The following B4GALT6 variants were observed in gnomAD, a reference collection of about 807,000 sequenced individuals.
B4GALT6 encodes UDP-Gal:beta-GlcNAc beta-1,4-galactosyltransferase 6.
A neutral mutation model predicts 46.3 loss-of-function variants in B4GALT6; 14 were observed. The ratio of observed to expected loss-of-function variants is 0.30; its 90% CI spans 0.20 to 0.47. The LOEUF is 0.47. Among genes scored for constraint, B4GALT6 ranks in the 20% least tolerant of loss-of-function variants. The probability of loss-of-function intolerance (pLI) is 0.99; values close to 1 mark genes in which losing one functional copy is unlikely to be tolerated. For missense variants in B4GALT6, 386 were observed against 480.1 expected (o/e 0.80, Z 1.83); for synonymous variants, 168 against 162.0 (o/e 1.04, Z -0.28).
the B4GALT6 span, among the ~76,000 whole-genome samples, chr18:31,709,603 G>GTGTA: frequency 9.6e-3 from 1,299 of 135,230 alleles, 19 homozygotes; most frequent in African/African-American, 0.02. Context: ...GTGTGTGTGT[G>GTGTA]TATATATATA....
At chr18:31,637,815 C>T (rs934763536) in intron 5 of B4GALT6, among the ~76,000 whole-genome samples, 2 of 152,176 alleles carry the variant, frequency 1.3e-5, no homozygotes, top group Non-Finnish European at 2.9e-5. Context: ...ACCAAGGTAA[C>T]TGTACGGTGC....
At chr18:31,637,994 C>T (rs550528701) in intron 5 of B4GALT6, among the ~76,000 whole-genome samples, 5 of 152,128 alleles carry the variant, frequency 3.3e-5, no homozygotes, top group Admixed American at 2.6e-4. Context: ...CTAATGAAAA[C>T]ATAAAAAGTA....
chr18:31,717,841 C>A, the B4GALT6 span, among the ~76,000 whole-genome samples: 1 of 151,522 alleles, frequency 6.6e-6, no homozygotes, highest in Non-Finnish European at 1.5e-5. Flanking sequence ...GTAATCCCAG[C>A]TACTCGGGAG....
chr18:31,641,571 T>C (rs2073931355), intron 4 of B4GALT6, among the ~76,000 whole-genome samples: 1 of 152,260 alleles, frequency 6.6e-6, no homozygotes, highest in African/African-American at 2.4e-5. Flanking sequence ...TCATTTATTT[T>C]AAGGCTTAAT....
intron 3 of B4GALT6, among the ~76,000 whole-genome samples, chr18:31,652,050 G>A (rs776564087): frequency 1.6e-4 from 24 of 152,058 alleles, no homozygotes; most frequent in Non-Finnish European, 2.5e-4. Context: ...GATTACAGGC[G>A]TGAGCCACGG....
At chr18:31,663,029 G>A (rs1343393151) in intron 2 of B4GALT6, among the ~76,000 whole-genome samples, 3 of 152,126 alleles carry the variant, frequency 2.0e-5, no homozygotes, top group Non-Finnish European at 4.4e-5. Context: ...TCTAATGAAT[G>A]GATAAAAATA....
chr18:31,720,608 T>C, the B4GALT6 span, among the ~76,000 whole-genome samples: 2 of 152,154 alleles, frequency 1.3e-5, no homozygotes, highest in African/African-American at 4.8e-5. Context: ...AGAGGCCCCT[T>C]GAACGGGGGA....
chr18:31,656,003 T>C (rs1020775569), intron 3 of B4GALT6, among the ~76,000 whole-genome samples: 16 of 152,036 alleles, frequency 1.1e-4, no homozygotes, highest in Non-Finnish European at 2.2e-4. Flanking sequence ...CTTGCGGGAT[T>C]TGTTAGAAAT....
upstream of B4GALT6, chr18:31,686,453 G>A (rs566142453): frequency 4.6e-5 from 7 of 152,208 alleles, no homozygotes; most frequent in African/African-American, 1.4e-4. Context: ...AAGGCTGTGA[G>A]ATTAAATGGA....
At chr18:31,719,644 A>T in the B4GALT6 span, among the ~76,000 whole-genome samples, 2 of 152,198 alleles carry the variant, frequency 1.3e-5, no homozygotes, top group African/African-American at 4.8e-5. Flanking sequence ...TTTTATTATT[A>T]CTGAAATTAG....
At chr18:31,701,226 G>A in the B4GALT6 span, among the ~76,000 whole-genome samples, 1 of 152,118 alleles carries the variant, frequency 6.6e-6, no homozygotes, top group Non-Finnish European at 1.5e-5. Context: ...CTGTTCTTGT[G>A]GTGGTGAGTG....
intron 1 of B4GALT6, among the ~76,000 whole-genome samples, chr18:31,682,030 C>T (rs1010021934): frequency 2.6e-5 from 4 of 152,224 alleles, no homozygotes; most frequent in East Asian, 3.9e-4. Flanking sequence ...AAATCTGAAG[C>T]ACTTGTGCAA....
the B4GALT6 span, among the ~76,000 whole-genome samples, chr18:31,715,408 T>C: frequency 3.3e-5 from 5 of 152,086 alleles, no homozygotes; most frequent in South Asian, 1.0e-3. Flanking sequence ...TTAAACTTTT[T>C]TGTAGAGATG....
At chr18:31,662,443 T>G (rs1165604286) in intron 2 of B4GALT6, among the ~76,000 whole-genome samples, 1 of 152,220 alleles carries the variant, frequency 6.6e-6, no homozygotes, top group Non-Finnish European at 1.5e-5. Flanking sequence ...TTCTAGCACC[T>G]AATAATAGTA....
At chr18:31,631,622 A>G (rs1475573935) in intron 5 of B4GALT6, among the ~76,000 whole-genome samples, 1 of 152,192 alleles carries the variant, frequency 6.6e-6, no homozygotes, top group African/African-American at 2.4e-5. Context: ...CGAGAAAAAA[A>G]AAGTCATTAA....
At chr18:31,672,138 C>A (rs1479206960) in intron 1 of B4GALT6, among the ~76,000 whole-genome samples, 1 of 152,224 alleles carries the variant, frequency 6.6e-6, no homozygotes, top group African/African-American at 2.4e-5. Flanking sequence ...CTGCAGGGAT[C>A]TAGAACTGTT....
the B4GALT6 span, among the ~76,000 whole-genome samples, chr18:31,715,537 C>CTTTT: frequency 4.7e-3 from 235 of 49,626 alleles, 25 homozygotes; most frequent in African/African-American, 0.018. Flanking sequence ...CTGGAACTGT[C>CTTTT]TTTTTTTTTT....
chr18:31,715,845 G>A, the B4GALT6 span, among the ~76,000 whole-genome samples: 11 of 151,926 alleles, frequency 7.2e-5, no homozygotes, highest in East Asian at 3.9e-4. Flanking sequence ...TGCTATGCCC[G>A]GCCAGGAACT....
the B4GALT6 span, among the ~76,000 whole-genome samples, chr18:31,691,955 T>C: frequency 1.1e-3 from 164 of 152,278 alleles, no homozygotes; most frequent in African/African-American, 3.8e-3. Flanking sequence ...CAGCAAAGTA[T>C]TAATAATACC....
Sources: allele counts gnomAD v4.1 joint callset (sites outside exome capture counted in the v4.1 genomes callset), GRCh38; gene constraint gnomAD v4.1.1; transcripts MANE v1.5; gene names NCBI Gene and HGNC (gene_info 2026-07-23, HGNC 2026-07-21).